SMIM8: variants seen among roughly 807,000 people sequenced by gnomAD.
SMIM8 encodes small integral membrane protein 8, also known as UPF0708 protein C6orf162.
A neutral mutation model predicts 8.1 loss-of-function variants in SMIM8; 8 were observed. The observed-to-expected ratio is 0.99, with a 90% confidence interval of 0.58 to 1.78. SMIM8 has a LOEUF of 1.78. SMIM8 is among the 40% of genes most tolerant of loss of function. The pLI is 0.00. For missense variants in SMIM8, 126 were observed against 119.8 expected, an observed-to-expected ratio of 1.05 and a Z score of -0.24; for synonymous variants, 45 against 39.7, an observed-to-expected ratio of 1.13 and a Z score of -0.50.
At chr6:87,329,475 A>G (rs1776938059) in intron 1 of SMIM8, among the ~76,000 whole-genome samples, 3 of 152,114 alleles carry the variant, frequency 2.0e-5, no homozygotes, top group Non-Finnish European at 4.4e-5. Context: ...GGGTTTCACC[A>G]TATTGGCTAC....
intron 1 of SMIM8, among the ~76,000 whole-genome samples, chr6:87,324,779 T>G (rs1053512598): frequency 1.3e-5 from 2 of 152,230 alleles, no homozygotes; most frequent in African/African-American, 4.8e-5. Context: ...ATATGAACTT[T>G]AAAGTAGCTT....
chr6:87,322,843 C>G (rs1012532252), intron 1 of SMIM8: 1 of 152,356 alleles, frequency 6.6e-6, no homozygotes, highest in African/African-American at 2.4e-5. Flanking sequence ...TCTGGCCCCA[C>G]AGAGCCCATT....
At position 87,340,972 on chromosome 6, in the gene SMIM8, A is replaced by T. The variant is rs562531728; in HGVS notation, c.*698A>T. 4.8e-4 allele frequency: 110 copies of T among 231,284 alleles called. No individual in the cohort carries two copies. The highest frequency in any genetic ancestry group is 2.4e-3 in the African/African-American group (106 of 44,104). The allele number at this position is 231,284 out of a possible 1,614,324, so 14.3% of individuals were successfully genotyped here. A position where few individuals can be genotyped will look rare whatever the true frequency, so the allele number is the denominator to read the frequency against. ...AAAAAAAAGTATGTTTTACTGAGGT[A>T]TGATGATTTTGACTACAACTAAATG... On this transcript the variant is annotated 3_prime_UTR_variant, in exon 4 of 4. Coordinates refer to ENST00000392863, the MANE Select transcript of SMIM8 (RefSeq NM_001042493.3).
At chr6:87,329,581 C>T (rs1034729053) in intron 1 of SMIM8, among the ~76,000 whole-genome samples, 2 of 152,216 alleles carry the variant, frequency 1.3e-5, no homozygotes, top group Admixed American at 1.3e-4. Context: ...GTGAGCCACC[C>T]TGCCCGGCAG....
intron 2 of SMIM8, among the ~76,000 whole-genome samples, chr6:87,334,087 C>T (rs1777051667): frequency 6.6e-6 from 1 of 152,184 alleles, no homozygotes; most frequent in Non-Finnish European, 1.5e-5. Context: ...AACCAGATCT[C>T]ACATGAACTC....
chr6:87,338,625 G>A (rs1582097674), intron 3 of SMIM8, among the ~76,000 whole-genome samples: 1 of 152,280 alleles, frequency 6.6e-6, no homozygotes, highest in East Asian at 1.9e-4. Flanking sequence ...CATGACTACT[G>A]TCTCATTCCA....
intron 1 of SMIM8, chr6:87,329,147 G>C (rs1489164268): frequency 6.4e-6 from 1 of 155,100 alleles, no homozygotes; most frequent in Non-Finnish European, 1.4e-5. Flanking sequence ...CCTGCGCCCA[G>C]TGTCTGGCAC....
chr6:87,330,790 A>G (rs546241138), intron 2 of SMIM8, 78 bp downstream of exon 2: 19 of 152,348 alleles, frequency 1.2e-4, no homozygotes, highest in African/African-American at 4.3e-4. Context: ...GCACCTGTGA[A>G]ATGTTCTACT....
At position 87,337,026 on chromosome 6, in the gene SMIM8, A is replaced by G; in HGVS notation, c.-6A>G. ...GTTTTTAGATAATAAATCATCATTGATCAAGATGTCTTCAGCACCTGAGCC... is the reference window on the plus strand; with the variant it reads ...GTTTTTAGATAATAAATCATCATTGGTCAAGATGTCTTCAGCACCTGAGCC... On this transcript the variant is annotated 5_prime_UTR_variant, in exon 3 of 4. Transcript: ENST00000392863. 6.3e-7 allele frequency: 1 copy of G among 1,594,640 alleles called. No homozygotes were observed. The highest frequency in any genetic ancestry group is 8.5e-7 in the Non-Finnish European group (1 of 1,173,262).
chr6:87,335,765 T>C (rs1227881442), intron 2 of SMIM8, among the ~76,000 whole-genome samples: 2 of 150,404 alleles, frequency 1.3e-5, no homozygotes, highest in Non-Finnish European at 2.9e-5. Flanking sequence ...ATCCCAGCAC[T>C]TTGGGAGGCA....
chr6:87,326,406 G>T (rs546485806), intron 1 of SMIM8, among the ~76,000 whole-genome samples: 34 of 151,946 alleles, frequency 2.2e-4, no homozygotes, highest in African/African-American at 8.0e-4. Flanking sequence ...GGGCATTTAG[G>T]GCTATAAATT....
At chr6:87,326,752 G>T (rs1245314582) in intron 1 of SMIM8, among the ~76,000 whole-genome samples, 15 of 120,916 alleles carry the variant, frequency 1.2e-4, no homozygotes, top group African/African-American at 4.7e-4. Context: ...TGTTGATTTG[G>T]GGTGGAGAGT....
chr6:87,329,601 T>G (rs1190632788), intron 1 of SMIM8, among the ~76,000 whole-genome samples: 2 of 152,214 alleles, frequency 1.3e-5, no homozygotes, highest in Admixed American at 1.3e-4. Flanking sequence ...GGAAAGATAC[T>G]TTTTTAGAAA....
chr6:87,328,586 A>G (rs560269125), intron 1 of SMIM8, among the ~76,000 whole-genome samples: 81 of 152,238 alleles, frequency 5.3e-4, no homozygotes, highest in African/African-American at 1.5e-3. Flanking sequence ...TCAGGGACCC[A>G]CTTGAGGAGG....
At chr6:87,338,717 G>GCA (rs1345578920) in intron 3 of SMIM8, among the ~76,000 whole-genome samples, 1 of 152,164 alleles carries the variant, frequency 6.6e-6, no homozygotes, top group Non-Finnish European at 1.5e-5. Context: ...TAGTGGTACA[G>GCA]CAGGTATGGT....
chr6:87,332,337 A>G (rs1042827600), intron 2 of SMIM8, among the ~76,000 whole-genome samples: 1 of 147,978 alleles, frequency 6.8e-6, no homozygotes, highest in African/African-American at 2.5e-5. Flanking sequence ...GTATATATAT[A>G]TATATAAATG....
Position 87,341,841 on chromosome 6 carries a change from ACT to A in SMIM8, c.*1570_*1571del. 1 of 152,188 alleles carries A rather than the reference ACT, an allele frequency of 6.6e-6. No homozygotes were observed. The highest frequency in any genetic ancestry group is 1.9e-4 in the East Asian group (1 of 5,184). The allele number at this position is 152,188 out of a possible 1,614,324, so 9.4% of individuals were successfully genotyped here. ...CAGTGATACAAAATCCCTTTTAAAG[ACT>A]CTTTTGTTTTTGTTTTCCCTGTGTA... On this transcript the variant is annotated 3_prime_UTR_variant, in exon 4 of 4. Transcript: ENST00000392863.
chr6:87,333,841 G>A (rs1777045593), intron 2 of SMIM8, among the ~76,000 whole-genome samples: 1 of 152,170 alleles, frequency 6.6e-6, no homozygotes, highest in Admixed American at 6.5e-5. Flanking sequence ...CTTAGGAATT[G>A]TGTTAGTCTC....
Position 87,340,459 on chromosome 6 carries a change from T to C in SMIM8, c.*185T>C. ...CACAGCTGCAGCCATTATCTCATTC[T>C]TTTTCCACAGAGTGAGCGTCATAAT... On this transcript the variant is annotated 3_prime_UTR_variant, in exon 4 of 4. Coordinates refer to ENST00000392863, the MANE Select transcript of SMIM8 (RefSeq NM_001042493.3). 2.4e-6 allele frequency: 1 copy of C among 418,582 alleles called. No homozygotes were observed. Among genetic ancestry groups the C allele is most frequent in the Non-Finnish European group, 4.0e-6 (1 of 252,014 alleles). The allele number at this position is 418,582 out of a possible 1,614,324, so 25.9% of individuals were successfully genotyped here. A position where few individuals can be genotyped will look rare whatever the true frequency, so the allele number is the denominator to read the frequency against.
Sources: allele counts gnomAD v4.1 joint callset (sites outside exome capture counted in the v4.1 genomes callset), GRCh38; gene constraint gnomAD v4.1.1; transcripts MANE v1.5; gene names NCBI Gene and HGNC (gene_info 2026-07-23, HGNC 2026-07-21).